TBC1D32: variants seen among roughly 807,000 people sequenced by gnomAD.
TBC1D32 encodes the protein protein broad-minded.
TBC1D32 carries 151 observed loss-of-function variants against 170.3 expected under a neutral mutation model. The observed-to-expected ratio is 0.89, with a 90% CI of 0.78 to 1.01. The LOEUF (loss-of-function observed/expected upper bound fraction) is 1.01, where lower values mean the gene tolerates loss of function less well. Among genes scored for constraint, TBC1D32 ranks in the 50% least tolerant of loss-of-function variants. The pLI, the probability that TBC1D32 is intolerant of heterozygous loss-of-function variation, is 0.00. For missense variants in TBC1D32, 1,464 were observed against 1,457.1 expected, an observed-to-expected ratio of 1.00 and a Z score of -0.08; for synonymous variants, 498 against 488.0, an observed-to-expected ratio of 1.02 and a Z score of -0.27.
chr6:121,178,389 T>C (rs1157465654), intron 22 of TBC1D32, among the ~76,000 whole-genome samples: 1 of 152,102 alleles, frequency 6.6e-6, no homozygotes, highest in East Asian at 1.9e-4. Context: ...AGGACTGAGA[T>C]TACCTGATTT....
chr6:121,185,705 C>T (rs922614572), intron 22 of TBC1D32, among the ~76,000 whole-genome samples: 24 of 152,162 alleles, frequency 1.6e-4, no homozygotes, highest in Admixed American at 3.9e-4. Flanking sequence ...GGCTACTATG[C>T]TTTTCTATCA....
At chr6:121,307,270 G>A (rs1000180369) in intron 5 of TBC1D32, among the ~76,000 whole-genome samples, 2 of 152,060 alleles carry the variant, frequency 1.3e-5, no homozygotes, top group Admixed American at 6.5e-5. Context: ...CAGCTACTTG[G>A]GAGACTGAGG....
At chr6:121,096,247 T>C (rs923323866) in intron 30 of TBC1D32, 2 of 152,156 alleles carry the variant, frequency 1.3e-5, no homozygotes, top group African/African-American at 2.4e-5. Context: ...TCTCTGATGG[T>C]ACTTTGTATT....
At chr6:121,246,514 C>A (rs1157186729) in intron 17 of TBC1D32, among the ~76,000 whole-genome samples, 2 of 151,842 alleles carry the variant, frequency 1.3e-5, no homozygotes, top group Non-Finnish European at 2.9e-5. Flanking sequence ...TAGGCCCCAG[C>A]AATGGATCCA....
intron 29 of TBC1D32, among the ~76,000 whole-genome samples, chr6:121,106,845 C>G (rs1413359284): frequency 2.0e-5 from 3 of 151,806 alleles, no homozygotes; most frequent in Admixed American, 6.6e-5. Context: ...ATACACACAT[C>G]TATATTTACA....
intron 12 of TBC1D32, among the ~76,000 whole-genome samples, chr6:121,289,603 C>T (rs141596056): frequency 0.033 from 4,997 of 152,274 alleles, 194 homozygotes; most frequent in East Asian, 0.12. Context: ...AATCCCATCC[C>T]CATTAAGCTA....
chr6:121,228,732 TATA>T, intron 20 of TBC1D32, among the ~76,000 whole-genome samples: 1 of 152,108 alleles, frequency 6.6e-6, no homozygotes. Flanking sequence ...AGTCACCGAG[TATA>T]ATATTCTATA....
intron 24 of TBC1D32, among the ~76,000 whole-genome samples, chr6:121,155,692 C>A (rs1784790505): frequency 6.6e-6 from 1 of 151,962 alleles, no homozygotes; most frequent in Admixed American, 6.6e-5. Flanking sequence ...TTATGCCTAG[C>A]CTATTGAGGG....
At chr6:121,160,831 G>C (rs1192433031) in intron 23 of TBC1D32, 117 bp downstream of exon 23, 1 of 754,556 alleles carries the variant, frequency 1.3e-6, no homozygotes, top group Non-Finnish European at 2.3e-6. Context: ...CAAGTAATAA[G>C]TTCAACTCTG....
chr6:121,229,384 A>G (rs1203926155), intron 20 of TBC1D32, among the ~76,000 whole-genome samples: 1 of 152,026 alleles, frequency 6.6e-6, no homozygotes, highest in Non-Finnish European at 1.5e-5. Flanking sequence ...TCATCTGTTG[A>G]CAAGCTCAGG....
At chr6:121,083,785 C>G (rs1042333313) in intron 31 of TBC1D32, among the ~76,000 whole-genome samples, 1 of 152,072 alleles carries the variant, frequency 6.6e-6, no homozygotes, top group African/African-American at 2.4e-5. Context: ...TTTATTGACT[C>G]TAAGCCTCAA....
At chr6:121,268,078 A>T (rs1161412563) in intron 15 of TBC1D32, among the ~76,000 whole-genome samples, 1 of 151,978 alleles carries the variant, frequency 6.6e-6, no homozygotes, top group Admixed American at 6.6e-5. Flanking sequence ...AAACAGAAAG[A>T]ATATCCACAC....
chr6:121,133,639 A>G (rs974436677), intron 24 of TBC1D32, among the ~76,000 whole-genome samples: 2 of 152,052 alleles, frequency 1.3e-5, no homozygotes, highest in African/African-American at 4.8e-5. Context: ...TTTACGTCAG[A>G]AAAACCCTTT....
In TBC1D32 at chr6:121,259,179, T is replaced by C. The variant is rs1256561280; in HGVS notation, c.1734-2894A>G. On this transcript the variant is annotated intron_variant, in intron 15 of 31. Transcript: ENST00000398212. ...CCAGCACGGTGGCGCACACCTATAG[T>C]CTCAGCTACTCTGGAGGCTGAGGCA... Among the ~76,000 whole-genome samples the C allele has an allele frequency of 5.9e-5, 9 of 151,898 alleles. No homozygotes were observed. In the East Asian group the frequency reaches 1.6e-3, roughly 26 times the overall value.
At chr6:121,088,186 T>C (rs1037641623) in intron 31 of TBC1D32, among the ~76,000 whole-genome samples, 1 of 151,794 alleles carries the variant, frequency 6.6e-6, no homozygotes, top group African/African-American at 2.4e-5. Flanking sequence ...AACCCCTGAG[T>C]TCAAGCTATC....
intron 27 of TBC1D32, among the ~76,000 whole-genome samples, chr6:121,113,627 T>C (rs147706289): frequency 1.5e-3 from 226 of 152,290 alleles, no homozygotes; most frequent in African/African-American, 5.3e-3. Flanking sequence ...TGGTACTTAA[T>C]GAGCAAGGGC....
chr6:121,144,902 A>C (rs1783228189), intron 24 of TBC1D32, among the ~76,000 whole-genome samples: 1 of 152,196 alleles, frequency 6.6e-6, no homozygotes, highest in African/African-American at 2.4e-5. Flanking sequence ...TGCAGGAGGA[A>C]AACCAAACAA....
intron 30 of TBC1D32, among the ~76,000 whole-genome samples, chr6:121,100,883 A>C (rs1169946781): frequency 3.9e-5 from 6 of 152,056 alleles, no homozygotes; most frequent in Admixed American, 3.3e-4. Context: ...AAATAGACGC[A>C]ATAAAAAATG....
intron 30 of TBC1D32, among the ~76,000 whole-genome samples, chr6:121,099,078 T>C (rs548876707): frequency 2.6e-5 from 4 of 152,068 alleles, no homozygotes; most frequent in South Asian, 2.1e-4. Context: ...GCTTTCATAA[T>C]AGGGGGAAAA....
Sources: allele counts gnomAD v4.1 joint callset (sites outside exome capture counted in the v4.1 genomes callset), GRCh38; gene constraint gnomAD v4.1.1; transcripts MANE v1.5; gene names NCBI Gene and HGNC (gene_info 2026-07-23, HGNC 2026-07-21).